The following ITSN1 variants were observed in gnomAD, a reference collection of about 807,000 sequenced individuals.
The protein encoded by ITSN1 is intersectin-1.
A neutral mutation model predicts 239.8 loss-of-function variants in ITSN1; 58 were observed. That is an observed-to-expected ratio of 0.24 (90% confidence interval 0.20 to 0.30). ITSN1 has a LOEUF of 0.30. Among genes scored for constraint, ITSN1 ranks in the 10% least tolerant of loss-of-function variants. The probability of loss-of-function intolerance (pLI) is 1.00; values close to 1 mark genes in which losing one functional copy is unlikely to be tolerated. For synonymous variants in ITSN1, 780 were observed against 770.8 expected (o/e 1.01, Z -0.20); for missense variants, 1,558 against 2,103.3 (o/e 0.74, Z 5.07).
At chr21:33,736,985 AAAAAAC>A (rs777324145) in intron 5 of ITSN1, among the ~76,000 whole-genome samples, 2 of 152,168 alleles carry the variant, frequency 1.3e-5, no homozygotes, top group Non-Finnish European at 2.9e-5. Flanking sequence ...ACCCTGTCTT[AAAAAAC>A]AAAAACAAAA....
intron 19 of ITSN1, 144 bp downstream of exon 19, chr21:33,800,073 ATCT>A (rs1236185286): frequency 1.4e-6 from 1 of 730,466 alleles, no homozygotes. Flanking sequence ...TATAAGCTCA[ATCT>A]TCTTTCTTTT....
At chr21:33,696,313 C>G (rs2091790616) in intron 1 of ITSN1, among the ~76,000 whole-genome samples, 1 of 152,098 alleles carries the variant, frequency 6.6e-6, no homozygotes, top group African/African-American at 2.4e-5. Flanking sequence ...CCTTTATCTC[C>G]TGATTGGGCA....
Position 33,794,397 on chromosome 21 carries a change from T to G in ITSN1, c.1881T>G (p.Ala627=). ...TCCAGAAGCAAAAGTCCATGGAGGC[T>G]GAACGACTGAAACAGAAAGAACAAG... The part of the protein sequence containing the change: ...QQLQKQKSME[A]ERLKQKEQER... The change falls in exon 17 of 40, where the codon GCT becomes GCG. Residue 627 remains alanine, a synonymous_variant. Transcript: ENST00000381318. The G allele has an allele frequency of 1.2e-6, 2 of 1,613,994 alleles. No individual in the cohort carries two copies. Among genetic ancestry groups the G allele is most frequent in the African/African-American group, 2.7e-5 (2 of 75,032 alleles).
At chr21:33,823,388 G>A (rs2073801011) in intron 24 of ITSN1, 99 bp from the exon 25 acceptor site, 4 of 1,062,396 alleles carry the variant, frequency 3.8e-6, no homozygotes, top group Non-Finnish European at 5.6e-6. Flanking sequence ...AATGGATCTT[G>A]TCCTAACTTC....
chr21:33,671,612 G>T (rs1196350940), intron 1 of ITSN1, among the ~76,000 whole-genome samples: 1 of 151,894 alleles, frequency 6.6e-6, no homozygotes, highest in East Asian at 1.9e-4. Context: ...AATACAGCCT[G>T]ACCAACATGG....
intron 1 of ITSN1, among the ~76,000 whole-genome samples, chr21:33,653,713 G>A (rs913941514): frequency 3.3e-5 from 5 of 151,962 alleles, no homozygotes; most frequent in African/African-American, 7.3e-5. Context: ...TAGTAGAGAC[G>A]GGGTTTCACC....
At chr21:33,755,069 A>T (rs1245018110) in intron 7 of ITSN1, among the ~76,000 whole-genome samples, 1 of 152,172 alleles carries the variant, frequency 6.6e-6, no homozygotes, top group East Asian at 1.9e-4. Flanking sequence ...TATTGTGTTT[A>T]TCCATGATTC....
At chr21:33,751,929 G>A (rs767087634) in intron 7 of ITSN1, 23 bp downstream of exon 7, 3 of 1,521,344 alleles carry the variant, frequency 2.0e-6, no homozygotes, top group Non-Finnish European at 1.8e-6. Flanking sequence ...GTTTTTAAAT[G>A]GGAAGTTTGG....
intron 5 of ITSN1, among the ~76,000 whole-genome samples, chr21:33,736,092 T>G (rs190387176): frequency 1.3e-3 from 203 of 152,366 alleles, no homozygotes; most frequent in African/African-American, 4.7e-3. Context: ...TAGTTCTGAT[T>G]TCTGTTCTCA....
Position 33,867,301 on chromosome 21 carries a change from G to A in ITSN1, c.4143G>A (p.Arg1381=). 6.2e-7 allele frequency: 1 copy of A among 1,609,072 alleles called. No homozygotes were observed. Among genetic ancestry groups the A allele is most frequent in the Non-Finnish European group, 8.5e-7 (1 of 1,175,554 alleles). Residue 1381 remains arginine, a synonymous_variant, in exon 33 of 40, where the codon CGG becomes CGA. Transcript: ENST00000381318. ...LSSFILKPMQ[R]VTRYPLIIKN... ...GTTTTATACTGAAGCCTATGCAACG[G>A]GTAACAAGATACCCACTGATCATTA...
intron 20 of ITSN1, among the ~76,000 whole-genome samples, chr21:33,808,955 C>CT (rs772482417): frequency 2.5e-4 from 38 of 152,152 alleles, no homozygotes; most frequent in Non-Finnish European, 4.9e-4. Flanking sequence ...CAGGACCTGG[C>CT]TTGGATAGAG....
chr21:33,654,784 A>T (rs1163101735), intron 1 of ITSN1, among the ~76,000 whole-genome samples: 1 of 152,182 alleles, frequency 6.6e-6, no homozygotes, highest in Non-Finnish European at 1.5e-5. Flanking sequence ...TGATTTATGG[A>T]TGGGGAGAAT....
At chr21:33,861,240 T>C (rs1340781839) in intron 31 of ITSN1, among the ~76,000 whole-genome samples, 1 of 152,166 alleles carries the variant, frequency 6.6e-6, no homozygotes, top group Non-Finnish European at 1.5e-5. Context: ...AATTTCTTCA[T>C]GCCAAGGAAT....
At chr21:33,855,591 C>T (rs1979176158) in intron 29 of ITSN1, among the ~76,000 whole-genome samples, 1 of 152,290 alleles carries the variant, frequency 6.6e-6, no homozygotes, top group South Asian at 2.1e-4. Flanking sequence ...AAGCCTCCCT[C>T]CTGCTCATTC....
At chr21:33,830,282 G>A (rs2074219039) in intron 27 of ITSN1, among the ~76,000 whole-genome samples, 1 of 152,048 alleles carries the variant, frequency 6.6e-6, no homozygotes, top group South Asian at 2.1e-4. Flanking sequence ...AAAGATTACT[G>A]TTACGCAGTT....
intron 4 of ITSN1, among the ~76,000 whole-genome samples, chr21:33,732,948 TGTC>T (rs2066278738): frequency 1.3e-5 from 2 of 152,192 alleles, no homozygotes; most frequent in Non-Finnish European, 2.9e-5. Flanking sequence ...CCGGAAAGAT[TGTC>T]TTTTCTTTGG....
chr21:33,844,710 G>A (rs1013035200), intron 29 of ITSN1, among the ~76,000 whole-genome samples: 2 of 152,162 alleles, frequency 1.3e-5, no homozygotes. Context: ...CCAGGAGAGC[G>A]AGCCTGCAGT....
At chr21:33,811,254 T>C in intron 21 of ITSN1, 32 bp downstream of exon 21, 1 of 1,532,990 alleles carries the variant, frequency 6.5e-7, no homozygotes, top group Non-Finnish European at 8.8e-7. Flanking sequence ...CTGATGATTT[T>C]TGAAATCCCA....
In ITSN1 at chr21:33,767,652, T is replaced by C. The variant is rs149644806; in HGVS notation, c.927-61T>C. On this transcript the variant is annotated intron_variant, in intron 10 of 39. Coordinates refer to ENST00000381318, the MANE Select transcript of ITSN1 (RefSeq NM_003024.3). Reference sequence around the variant, plus strand: ...TCTTTAAAAATCCTTCTTCATAACTTGTCCAACTCCACCCAGACAGCTCTG... The same window carrying C: ...TCTTTAAAAATCCTTCTTCATAACTCGTCCAACTCCACCCAGACAGCTCTG... 170 of 854,324 alleles carry C rather than the reference T, an allele frequency of 2.0e-4. No individual in the cohort carries two copies. The African/African-American group carries it at 2.7e-3, about 13-fold the overall frequency. 52.9% of individuals were successfully genotyped at this position (854,324 alleles called of 1,614,324 possible).
Sources: allele counts gnomAD v4.1 joint callset (sites outside exome capture counted in the v4.1 genomes callset), GRCh38; gene constraint gnomAD v4.1.1; transcripts MANE v1.5; gene names NCBI Gene and HGNC (gene_info 2026-07-23, HGNC 2026-07-21).